The following MYSM1 variants were observed in gnomAD, a reference collection of about 807,000 sequenced individuals.
MYSM1 encodes deubiquitinase MYSM1.
Under a neutral mutation model 116.0 loss-of-function variants are expected in MYSM1, and 51 were observed. The observed-to-expected ratio is 0.44, with a 90% CI of 0.35 to 0.56. The LOEUF (loss-of-function observed/expected upper bound fraction) is 0.56. Among genes scored for constraint, MYSM1 ranks in the 20% least tolerant of loss-of-function variants. The pLI, the probability that MYSM1 is intolerant of heterozygous loss-of-function variation, is 0.00. For missense variants in MYSM1, 900 were observed against 974.9 expected, an observed-to-expected ratio of 0.92 and a Z score of 1.02; for synonymous variants, 313 against 315.2, an observed-to-expected ratio of 0.99 and a Z score of 0.07.
intron 10 of MYSM1, among the ~76,000 whole-genome samples, chr1:58,674,683 C>T (rs774982960): frequency 1.8e-4 from 28 of 151,842 alleles, no homozygotes; most frequent in Non-Finnish European, 3.8e-4. Context: ...CCCAGCACTT[C>T]GGGAGGCCAA....
intron 17 of MYSM1, among the ~76,000 whole-genome samples, chr1:58,662,960 C>T (rs1569699800): frequency 1.3e-5 from 2 of 152,102 alleles, no homozygotes; most frequent in African/African-American, 4.8e-5. Context: ...ATAATGATAA[C>T]CACCCACTGA....
chr1:58,677,690 C>T (rs1244698513), intron 8 of MYSM1, among the ~76,000 whole-genome samples: 1 of 151,980 alleles, frequency 6.6e-6, no homozygotes, highest in East Asian at 1.9e-4. Flanking sequence ...CTTAATGTAC[C>T]TTGCTAGATG....
intron 8 of MYSM1, among the ~76,000 whole-genome samples, chr1:58,680,644 C>T (rs114919545): frequency 2.2e-3 from 331 of 152,146 alleles, no homozygotes; most frequent in African/African-American, 7.4e-3. Flanking sequence ...CTTTGGTAAC[C>T]CTTCTAGGTT....
intron 19 of MYSM1, 119 bp from the exon 20 acceptor site, chr1:58,660,274 C>T (rs879647299): frequency 3.5e-6 from 2 of 565,686 alleles, no homozygotes; most frequent in Non-Finnish European, 5.7e-6. Flanking sequence ...GAGAAACACT[C>T]TCCTTAAAAA....
intron 12 of MYSM1, among the ~76,000 whole-genome samples, chr1:58,669,966 AC>A (rs1380965489): frequency 6.6e-6 from 1 of 152,150 alleles, no homozygotes; most frequent in Non-Finnish European, 1.5e-5. Context: ...AGGCTTGAGA[AC>A]TATATTAAGA....
At chr1:58,673,464 C>T in intron 11 of MYSM1, 109 bp downstream of exon 11, 1 of 902,272 alleles carries the variant, frequency 1.1e-6, no homozygotes, top group Non-Finnish European at 1.7e-6. Context: ...GGAATGAACA[C>T]ATACATGTTA....
intron 7 of MYSM1, among the ~76,000 whole-genome samples, chr1:58,684,166 C>G (rs6661922): frequency 6.6e-6 from 1 of 152,088 alleles, no homozygotes; most frequent in Non-Finnish European, 1.5e-5. Flanking sequence ...CAAATCTTAC[C>G]TACAGGGTAG....
intron 2 of MYSM1, among the ~76,000 whole-genome samples, chr1:58,694,167 T>C (rs965660152): frequency 2.6e-5 from 4 of 152,228 alleles, no homozygotes; most frequent in African/African-American, 7.2e-5. Flanking sequence ...TTCAGCATCT[T>C]GCTTATTTCC....
chr1:58,680,680 A>G (rs1444669075), intron 8 of MYSM1, among the ~76,000 whole-genome samples: 1 of 152,244 alleles, frequency 6.6e-6, no homozygotes, highest in African/African-American at 2.4e-5. Flanking sequence ...CAATAGCAAT[A>G]GGACAGGAAG....
At chr1:58,694,904 A>G (rs1228927125) in intron 2 of MYSM1, among the ~76,000 whole-genome samples, 1 of 152,148 alleles carries the variant, frequency 6.6e-6, no homozygotes, top group Non-Finnish European at 1.5e-5. Flanking sequence ...ACCTGTACCT[A>G]AATCTAGCTG....
At chr1:58,677,213 A>C (rs1043977549) in intron 8 of MYSM1, among the ~76,000 whole-genome samples, 157 bp from the exon 9 acceptor site, 1 of 152,190 alleles carries the variant, frequency 6.6e-6, no homozygotes, top group Admixed American at 6.5e-5. Context: ...ATACCCATGT[A>C]CTTTTTTTCT....
intron 5 of MYSM1, 136 bp from the exon 6 acceptor site, chr1:58,689,252 A>C: frequency 1.5e-6 from 1 of 647,834 alleles, no homozygotes; most frequent in Non-Finnish European, 2.5e-6. Context: ...CAAACAAACA[A>C]AACAAGAAGG....
intron 17 of MYSM1, among the ~76,000 whole-genome samples, chr1:58,662,139 T>C (rs1644401791): frequency 1.3e-5 from 2 of 152,000 alleles, no homozygotes; most frequent in South Asian, 2.1e-4. Context: ...GACAAGAGGA[T>C]AGGATGAACT....
chr1:58,692,756 G>T, intron 3 of MYSM1, 105 bp downstream of exon 3: 1 of 719,464 alleles, frequency 1.4e-6, no homozygotes, highest in South Asian at 2.0e-5. Flanking sequence ...GCAGTCTGGT[G>T]CTGTATAAAA....
At chr1:58,667,551 T>C (rs187281805) in intron 15 of MYSM1, among the ~76,000 whole-genome samples, 99 of 152,142 alleles carry the variant, frequency 6.5e-4, no homozygotes, top group African/African-American at 2.3e-3. Flanking sequence ...CATACAAACT[T>C]TCAACTAAAG....
At position 58,665,578 on chromosome 1, in the gene MYSM1, A is replaced by G. The variant is rs1435022177; in HGVS notation, c.2085T>C (p.Tyr695=). Residue 695 remains tyrosine (Y), a synonymous_variant, in exon 17 of 20, where the codon TAT becomes TAC. Transcript: ENST00000472487. ...AKFIGMIVSP[Y]NRNNPLPYSQ... is the part of the protein sequence containing the mutation. ...AATATGGTAAGGGATTATTTCGATT[A>G]TAGGGACTAACAATCATCCCAATGA... 15 of 1,591,298 alleles carry G rather than the reference A, an allele frequency of 9.4e-6. No individual in the cohort carries two copies. In the Middle Eastern group the frequency reaches 6.6e-4, roughly 70 times the overall value.
Position 58,677,039 on chromosome 1 carries a change from T to TA in MYSM1, c.1276_1277insT (p.Lys426IlefsTer5). ...ACGTACTGAGGTCTTATTTAAGTAT[T>TA]TTGGTTTGCATATCTCCCTAATTAA... On this transcript the variant is annotated frameshift_variant, in exon 9 of 20. Coordinates refer to ENST00000472487, the MANE Select transcript of MYSM1 (RefSeq NM_001085487.3). LOFTEE classifies it high-confidence loss of function. 6.2e-7 allele frequency: 1 copy of TA among 1,606,438 alleles called. No individual in the cohort carries two copies. The highest frequency in any genetic ancestry group is 8.5e-7 in the Non-Finnish European group (1 of 1,176,554).
At chr1:58,671,059 T>C (rs1386304370) in intron 12 of MYSM1, among the ~76,000 whole-genome samples, 1 of 152,180 alleles carries the variant, frequency 6.6e-6, no homozygotes, top group Admixed American at 6.5e-5. Context: ...AGAGAGGTAA[T>C]ATATACTGTA....
chr1:58,684,989 A>T (rs1214732126), intron 7 of MYSM1, among the ~76,000 whole-genome samples, 164 bp downstream of exon 7: 4 of 152,186 alleles, frequency 2.6e-5, no homozygotes, highest in African/African-American at 9.6e-5. Context: ...GCAATACTCA[A>T]AACACTGAAG....
Sources: gnomAD v4.1 joint callset for allele counts (sites outside exome capture counted in the v4.1 genomes callset) on GRCh38, gnomAD v4.1.1 for gene constraint, MANE v1.5 for transcripts, NCBI Gene and HGNC (gene_info 2026-07-23, HGNC 2026-07-21) for gene names.